The following LAMC1 variants were observed in gnomAD, a reference collection of about 807,000 sequenced individuals.
LAMC1 encodes laminin subunit gamma 1.
A neutral mutation model predicts 173.6 loss-of-function variants in LAMC1; 38 were observed. The ratio of observed to expected loss-of-function variants is 0.22; its 90% CI spans 0.17 to 0.29. The LOEUF is 0.29. Ranked by LOEUF, LAMC1 falls within the 10% of genes least tolerant of loss-of-function variation. LAMC1 has a pLI of 1.00. For synonymous variants in LAMC1, 746 were observed against 749.1 expected (o/e 1.00, Z 0.07); for missense variants, 1,824 against 2,051.8 (o/e 0.89, Z 2.14).
rs1000580557 is a variant in LAMC1 at position 183,143,918 on chromosome 1, ATTGT to A, written c.*1132_*1135del. ...CATCTTCCAGAATCCCTCAAAAAACATTGTTTGCCAAATCCTGGTGGCAAATACT... is the reference window on the plus strand; with the variant it reads ...CATCTTCCAGAATCCCTCAAAAAACATTGCCAAATCCTGGTGGCAAATACT... On this transcript the variant is annotated 3_prime_UTR_variant, in exon 28 of 28. Coordinates refer to ENST00000258341, the MANE Select transcript of LAMC1 (RefSeq NM_002293.4). 5.2e-4 allele frequency: 79 copies of A among 152,300 alleles called. No homozygotes were observed. The highest frequency in any genetic ancestry group is 1.9e-3 in the African/African-American group (78 of 41,572). 9.4% of individuals were successfully genotyped at this position (152,300 alleles called of 1,614,324 possible).
rs1350186488 is a variant in LAMC1 at position 183,142,971 on chromosome 1, G to A, written c.*181G>A. On this transcript the variant is annotated 3_prime_UTR_variant, in exon 28 of 28. Coordinates refer to ENST00000258341, the MANE Select transcript of LAMC1 (RefSeq NM_002293.4). ...AGAAGCAAATTAAACATCCTGAATC[G>A]GGAACAAAGGGTTTTATCTAATAAA... is the stretch of plus-strand genomic sequence containing the variant. The A allele has an allele frequency of 1.5e-5, 9 of 607,178 alleles. No homozygotes were observed. The highest frequency in any genetic ancestry group is 2.5e-5 in the Non-Finnish European group (9 of 356,754). 37.6% of individuals were successfully genotyped at this position (607,178 alleles called of 1,614,324 possible). A position where few individuals can be genotyped will look rare whatever the true frequency, so the allele number is the denominator to read the frequency against.
chr1:183,033,438 CTG>C (rs750121714), intron 1 of LAMC1, among the ~76,000 whole-genome samples: 1 of 152,290 alleles, frequency 6.6e-6, no homozygotes, highest in Non-Finnish European at 1.5e-5. Context: ...AATGGTAAGT[CTG>C]TGGGTTTTGC....
chr1:183,092,721 C>G (rs1162957399), intron 1 of LAMC1, among the ~76,000 whole-genome samples: 1 of 152,106 alleles, frequency 6.6e-6, no homozygotes, highest in Non-Finnish European at 1.5e-5. Context: ...GTATATTATG[C>G]CTTTTCTCTT....
At chr1:183,109,397 T>A (rs1293617647) in intron 3 of LAMC1, among the ~76,000 whole-genome samples, 1 of 152,186 alleles carries the variant, frequency 6.6e-6, no homozygotes, top group Admixed American at 6.5e-5. Context: ...ATTAAGCTGG[T>A]GGCAGCAGAA....
chr1:183,134,565 C>T, intron 22 of LAMC1, 95 bp from the exon 23 acceptor site: 1 of 935,678 alleles, frequency 1.1e-6, no homozygotes. Flanking sequence ...TTAAAAATAT[C>T]ATTGAGTATT....
At chr1:183,140,058 C>G (rs1657062335) in intron 26 of LAMC1, among the ~76,000 whole-genome samples, 1 of 151,886 alleles carries the variant, frequency 6.6e-6, no homozygotes, top group African/African-American at 2.4e-5. Context: ...TAACTTGTTT[C>G]TGCTTAATAG....
At chr1:183,104,823 G>A (rs1356322579) in intron 2 of LAMC1, among the ~76,000 whole-genome samples, 1 of 152,172 alleles carries the variant, frequency 6.6e-6, no homozygotes, top group Non-Finnish European at 1.5e-5. Flanking sequence ...AGCAATGAGT[G>A]TGCTTGCCAA....
At chr1:183,047,452 T>A (rs1359877693) in intron 1 of LAMC1, among the ~76,000 whole-genome samples, 1 of 152,216 alleles carries the variant, frequency 6.6e-6, no homozygotes, top group East Asian at 1.9e-4. Flanking sequence ...AGCTCTTTTG[T>A]CTCTTTCTCT....
chr1:183,117,626 G>C lies in LAMC1; in HGVS notation c.1780G>C (p.Asp594His). Residue 594 changes from aspartate to histidine, a missense_variant, in exon 10 of 28, where the codon GAC (aspartate) becomes CAC (histidine). Physicochemically the swap from Asp to His is moderately conservative, Grantham distance 81. Coordinates refer to ENST00000258341, the MANE Select transcript of LAMC1 (RefSeq NM_002293.4). ...GCGAGATACTCGCCTCTCTGCAGAAGACCTTGTGCTTGAGGGAGCTGGCTT... is the reference window on the plus strand; with the variant it reads ...GCGAGATACTCGCCTCTCTGCAGAACACCTTGTGCTTGAGGGAGCTGGCTT... ...DRRDTRLSAE[D>H]LVLEGAGLRV... The C allele has an allele frequency of 6.2e-7, 1 of 1,614,194 alleles. No individual in the cohort carries two copies. The highest frequency in any genetic ancestry group is 1.7e-4 in the Middle Eastern group (1 of 6,060).
rs1656482590 is a variant in LAMC1, at chr1:183,121,820, T to C, written c.2088T>C (p.Tyr696=). 5.0e-6 allele frequency: 8 copies of C among 1,614,078 alleles called. No homozygotes were observed. The highest frequency in any genetic ancestry group is 6.8e-6 in the Non-Finnish European group (8 of 1,180,036). The part of the protein sequence containing the change: ...WVESCTCPVG[Y]GGQFCEMCLS... ...AGTCCTGCACCTGTCCTGTGGGATA[T>C]GGAGGGCAGTTTTGTGAGATGTGCC... is the stretch of plus-strand genomic sequence containing the variant. The change falls in exon 12 of 28, where the codon TAT becomes TAC. Residue 696 remains tyrosine (Y), a synonymous_variant. Transcript: ENST00000258341.
chr1:183,103,666 G>A, intron 2 of LAMC1, 34 bp downstream of exon 2: 2 of 1,510,570 alleles, frequency 1.3e-6, no homozygotes, highest in South Asian at 1.3e-5. Flanking sequence ...AAGCCAGCTA[G>A]TTCTACAACA....
chr1:183,055,684 C>A (rs1369465059), intron 1 of LAMC1, among the ~76,000 whole-genome samples: 1 of 152,012 alleles, frequency 6.6e-6, no homozygotes, highest in Non-Finnish European at 1.5e-5. Flanking sequence ...TGGTGTCGTG[C>A]ACCTGTAGTT....
chr1:183,055,311 T>C (rs1487789316), intron 1 of LAMC1, among the ~76,000 whole-genome samples: 1 of 151,976 alleles, frequency 6.6e-6, no homozygotes, highest in Non-Finnish European at 1.5e-5. Flanking sequence ...TTATCATTTC[T>C]CTTCCTAGTG....
At position 183,077,776 on chromosome 1, in the gene LAMC1, G is replaced by GTATATATA. The variant is rs68083893; in HGVS notation, c.419-25539_419-25532dup. 3.0e-3 allele frequency among the ~76,000 whole-genome samples: 355 copies of GTATATATA among 116,558 alleles called. 4 individuals carry two copies. Among genetic ancestry groups the GTATATATA allele is most frequent in the East Asian group, 0.013 (48 of 3,718 alleles). 76.5% of individuals were successfully genotyped at this position (116,558 alleles called of 152,430 possible). ...TGAATAGTATTTTTATGGCCATTGT[G>GTATATATA]TATATATATATATATATATACAGTA... On this transcript the variant is annotated intron_variant, in intron 1 of 27. Coordinates refer to ENST00000258341, the MANE Select transcript of LAMC1 (RefSeq NM_002293.4).
intron 1 of LAMC1, among the ~76,000 whole-genome samples, chr1:183,081,158 G>A (rs1184822168): frequency 6.6e-6 from 1 of 152,084 alleles, no homozygotes; most frequent in Admixed American, 6.5e-5. Flanking sequence ...AAAGTGCTGG[G>A]ATTATAGGCG....
At position 183,117,330 on chromosome 1, in the gene LAMC1, G is replaced by A; in HGVS notation, c.1575G>A (p.Gly525=). ...ISSTFQIDED[G]WRAEQRDGSE... ...CTTCTCTACCTGCAGATGAGGATGG[G>A]TGGCGTGCGGAACAGAGAGATGGCT... The change falls in exon 9 of 28, where the codon GGG becomes GGA. Residue 525 remains glycine, a synonymous_variant. Coordinates refer to ENST00000258341, the MANE Select transcript of LAMC1 (RefSeq NM_002293.4). 2 of 1,606,552 alleles carry A rather than the reference G, an allele frequency of 1.2e-6. No homozygotes were observed. Among genetic ancestry groups the A allele is most frequent in the Non-Finnish European group, 1.7e-6 (2 of 1,173,782 alleles).
At chr1:183,118,172 G>C (rs772038342) in intron 11 of LAMC1, 26 bp downstream of exon 11, 1 of 1,322,794 alleles carries the variant, frequency 7.6e-7, no homozygotes, top group East Asian at 2.3e-5. Flanking sequence ...ATTTAGGAGA[G>C]TTGTTTAAAA....
chr1:183,057,991 A>T (rs1236543584), intron 1 of LAMC1, among the ~76,000 whole-genome samples: 1 of 152,184 alleles, frequency 6.6e-6, no homozygotes, highest in Non-Finnish European at 1.5e-5. Flanking sequence ...CTCTTGTTTG[A>T]CAGATAATAG....
intron 1 of LAMC1, among the ~76,000 whole-genome samples, chr1:183,048,370 T>TA (rs1199186040): frequency 1.3e-5 from 2 of 152,238 alleles, no homozygotes; most frequent in Non-Finnish European, 2.9e-5. Context: ...TCTTAAAACA[T>TA]ACAGGTAAAT....
Sources: allele counts gnomAD v4.1 joint callset (sites outside exome capture counted in the v4.1 genomes callset), GRCh38; gene constraint gnomAD v4.1.1; transcripts MANE v1.5; gene names NCBI Gene and HGNC (gene_info 2026-07-23, HGNC 2026-07-21).